ESRRB: variants seen among roughly 807,000 people sequenced by gnomAD.
ESRRB encodes steroid hormone receptor ERR2.
Under a neutral mutation model 46.0 loss-of-function variants are expected in ESRRB, and 16 were observed. The ratio of observed to expected loss-of-function variants is 0.35; its 90% CI spans 0.24 to 0.53. The LOEUF (loss-of-function observed/expected upper bound fraction) is 0.53. Among genes scored for constraint, ESRRB ranks in the 20% least tolerant of loss-of-function variants. ESRRB has a pLI of 0.93. For synonymous variants in ESRRB, 246 were observed against 259.6 expected, an observed-to-expected ratio of 0.95 and a Z score of 0.50; for missense variants, 488 against 607.4, an observed-to-expected ratio of 0.80 and a Z score of 2.07.
intron 3 of ESRRB, among the ~76,000 whole-genome samples, chr14:76,473,216 A>G (rs1383612638): frequency 6.6e-6 from 1 of 152,240 alleles, no homozygotes; most frequent in Non-Finnish European, 1.5e-5. Context: ...AATCATGTAT[A>G]TTCTTCCTCC....
intron 3 of ESRRB, among the ~76,000 whole-genome samples, chr14:76,473,503 C>T (rs1020996273): frequency 6.6e-6 from 1 of 152,206 alleles, no homozygotes; most frequent in African/African-American, 2.4e-5. Flanking sequence ...ATGTGGGAAG[C>T]GCCTGGGACA....
chr14:76,387,848 T>C (rs1437824658), intron 1 of ESRRB, among the ~76,000 whole-genome samples: 1 of 152,144 alleles, frequency 6.6e-6, no homozygotes, highest in Non-Finnish European at 1.5e-5. Flanking sequence ...AAATATAAAG[T>C]GTAAGGCCAG....
intron 2 of ESRRB, among the ~76,000 whole-genome samples, chr14:76,446,537 GA>G (rs961974189): frequency 2.7e-4 from 40 of 149,960 alleles, no homozygotes; most frequent in South Asian, 4.2e-4. Context: ...CATATCTAAA[GA>G]AAAAAAAATG....
rs1303057558 is a variant in ESRRB at position 76,501,160 on chromosome 14, A to C, written c.*2702A>C. 1 of 203,738 alleles carries C rather than the reference A, an allele frequency of 4.9e-6. No homozygotes were observed. The highest frequency in any genetic ancestry group is 1.0e-5 in the Non-Finnish European group (1 of 99,772). The allele number at this position is 203,738 out of a possible 1,614,324, so 12.6% of individuals were successfully genotyped here. ...ATTTCTGGAAAATCTGTAAAGAGGAAACAGCCTGTCTCAGCTGTACTCTCA... is the reference window on the plus strand; with the variant it reads ...ATTTCTGGAAAATCTGTAAAGAGGACACAGCCTGTCTCAGCTGTACTCTCA... On this transcript the variant is annotated 3_prime_UTR_variant, in exon 7 of 7. Coordinates refer to ENST00000644823, the MANE Select transcript of ESRRB (RefSeq NM_001379180.1).
At chr14:76,378,245 G>A (rs1014583101) in intron 1 of ESRRB, among the ~76,000 whole-genome samples, 3 of 152,178 alleles carry the variant, frequency 2.0e-5, no homozygotes, top group Admixed American at 2.0e-4. Flanking sequence ...TTCGTATGAA[G>A]GAAGTACATT....
chr14:76,456,455 C>G (rs11848218), intron 2 of ESRRB, among the ~76,000 whole-genome samples: 41,210 of 152,010 alleles, frequency 0.27, 5,859 homozygotes, highest in African/African-American at 0.34. Flanking sequence ...AGTGCAGGAC[C>G]ATGGTCGCAA....
At chr14:76,357,406 T>G (rs867586213) in intron 1 of ESRRB, among the ~76,000 whole-genome samples, 15 of 151,982 alleles carry the variant, frequency 9.9e-5, no homozygotes, top group South Asian at 2.1e-4. Context: ...CATGAGGAGG[T>G]TCATTGCAGA....
intron 1 of ESRRB, among the ~76,000 whole-genome samples, chr14:76,412,634 C>T (rs553792385): frequency 6.6e-6 from 1 of 152,336 alleles, no homozygotes; most frequent in Admixed American, 6.5e-5. Flanking sequence ...ACCAGAATAC[C>T]TCAGCTTTGG....
chr14:76,343,284 A>G (rs1595050174), intron 1 of ESRRB, among the ~76,000 whole-genome samples: 1 of 152,222 alleles, frequency 6.6e-6, no homozygotes, highest in East Asian at 1.9e-4. Flanking sequence ...TATTCTAGGT[A>G]TGGCATAAAG....
intron 3 of ESRRB, among the ~76,000 whole-genome samples, chr14:76,466,717 T>TG: frequency 7.1e-6 from 1 of 141,224 alleles, no homozygotes; most frequent in East Asian, 2.0e-4. Flanking sequence ...GCCCGTGTAA[T>TG]TTTTTTTTTT....
intron 3 of ESRRB, among the ~76,000 whole-genome samples, chr14:76,480,860 C>T (rs886463284): frequency 2.6e-5 from 4 of 152,330 alleles, no homozygotes; most frequent in African/African-American, 4.8e-5. Context: ...CCTGGCCTGT[C>T]GCAGCAGAGG....
intron 6 of ESRRB, 99 bp from the exon 7 acceptor site, chr14:76,498,115 C>T: frequency 7.1e-7 from 1 of 1,400,762 alleles, no homozygotes; most frequent in Non-Finnish European, 1.0e-6. Flanking sequence ...TGAAGATACC[C>T]CTGCCTGCCT....
intron 2 of ESRRB, among the ~76,000 whole-genome samples, chr14:76,452,913 G>A (rs1245753849): frequency 6.6e-6 from 1 of 152,236 alleles, no homozygotes; most frequent in Non-Finnish European, 1.5e-5. Flanking sequence ...TTACAGCCCA[G>A]AAGCAAAATC....
chr14:76,333,589 A>G (rs77265877), intron 1 of ESRRB, among the ~76,000 whole-genome samples: 19,645 of 148,080 alleles, frequency 0.13, 1,404 homozygotes, highest in East Asian at 0.25. Context: ...TTGCTTCCCA[A>G]AGTGTTGGGA....
At chr14:76,358,400 A>AAAGG (rs1884422313) in intron 1 of ESRRB, among the ~76,000 whole-genome samples, 1 of 129,580 alleles carries the variant, frequency 7.7e-6, no homozygotes, top group African/African-American at 3.0e-5. Flanking sequence ...AGAAAGAAAG[A>AAAGG]AAGAAAGAAA....
At chr14:76,329,067 A>G (rs1001349462) in intron 1 of ESRRB, among the ~76,000 whole-genome samples, 29 of 152,108 alleles carry the variant, frequency 1.9e-4, no homozygotes, top group African/African-American at 7.0e-4. Flanking sequence ...AAGAGAAGGG[A>G]AGGGGCTTGG....
chr14:76,487,353 A>G (rs1224013611), intron 5 of ESRRB, among the ~76,000 whole-genome samples: 1 of 152,196 alleles, frequency 6.6e-6, no homozygotes, highest in African/African-American at 2.4e-5. Flanking sequence ...TGAACAGCAG[A>G]GTTAGGAAGC....
chr14:76,423,345 TG>T (rs1242415032), intron 1 of ESRRB, among the ~76,000 whole-genome samples: 1 of 152,132 alleles, frequency 6.6e-6, no homozygotes, highest in Non-Finnish European at 1.5e-5. Flanking sequence ...GGTTTCACCA[TG>T]TTGGCCAGGC....
At chr14:76,383,201 G>A (rs1302382196) in intron 1 of ESRRB, among the ~76,000 whole-genome samples, 1 of 152,184 alleles carries the variant, frequency 6.6e-6, no homozygotes, top group East Asian at 1.9e-4. Flanking sequence ...TTCTATCAAG[G>A]AAACGATGAG....
Sources: gnomAD v4.1 joint callset for allele counts (sites outside exome capture counted in the v4.1 genomes callset) on GRCh38, gnomAD v4.1.1 for gene constraint, MANE v1.5 for transcripts, NCBI Gene and HGNC (gene_info 2026-07-23, HGNC 2026-07-21) for gene names.